OR9Q1: variants seen among roughly 807,000 people sequenced by gnomAD.
OR9Q1 encodes olfactory receptor 9Q1.
For missense variants in OR9Q1, 374 were observed against 378.8 expected (o/e 0.99, Z 0.11); for synonymous variants, 153 against 148.6 (o/e 1.03, Z -0.22).
Position 58,180,385 on chromosome 11 carries a change from C to T in OR9Q1, c.*8C>T. 1 of 1,541,734 alleles carries T rather than the reference C, an allele frequency of 6.5e-7. No individual in the cohort carries two copies. Among genetic ancestry groups the T allele is most frequent in the South Asian group, 1.2e-5 (1 of 80,444 alleles). ...AGAGCCAAGTTGTCCTAACCATCTCCAAACTTGGAAAATCCCGAGAACCAC... is the reference window on the plus strand; with the variant it reads ...AGAGCCAAGTTGTCCTAACCATCTCTAAACTTGGAAAATCCCGAGAACCAC... On this transcript the variant is annotated 3_prime_UTR_variant, in exon 3 of 3. Coordinates refer to ENST00000335397, the MANE Select transcript of OR9Q1 (RefSeq NM_001005212.4).
intron 2 of OR9Q1, among the ~76,000 whole-genome samples, chr11:58,160,394 A>G (rs1328117777): frequency 6.6e-6 from 1 of 152,188 alleles, no homozygotes; most frequent in Non-Finnish European, 1.5e-5. Context: ...GGAAAAAGTA[A>G]GTCTAAGATG....
intron 1 of OR9Q1, among the ~76,000 whole-genome samples, chr11:58,048,389 C>A (rs1444327793): frequency 6.6e-6 from 1 of 151,826 alleles, no homozygotes; most frequent in Admixed American, 6.6e-5. Flanking sequence ...ATCAATTAGG[C>A]TGGCCATGGT....
intron 2 of OR9Q1, among the ~76,000 whole-genome samples, chr11:58,125,063 C>T (rs1221390557): frequency 6.6e-6 from 1 of 152,146 alleles, no homozygotes; most frequent in Non-Finnish European, 1.5e-5. Context: ...GTACATATGA[C>T]TAATTCTACT....
At chr11:58,090,405 T>C (rs1279882169) in intron 2 of OR9Q1, among the ~76,000 whole-genome samples, 2 of 152,226 alleles carry the variant, frequency 1.3e-5, no homozygotes, top group Admixed American at 1.3e-4. Context: ...GAGGTAATCA[T>C]TTGGTTTTTG....
intron 2 of OR9Q1, among the ~76,000 whole-genome samples, chr11:58,146,494 A>G (rs1590614895): frequency 6.6e-6 from 1 of 152,220 alleles, no homozygotes; most frequent in African/African-American, 2.4e-5. Context: ...TGTATCAAAT[A>G]TTAAGTTTAG....
At chr11:58,031,020 A>G (rs762855941) in intron 1 of OR9Q1, 2 of 1,614,146 alleles carry the variant, frequency 1.2e-6, no homozygotes, top group South Asian at 1.1e-5. Flanking sequence ...GCTGGCATCC[A>G]TGAAGCACAC....
chr11:58,155,131 G>A (rs1473019366), intron 2 of OR9Q1, among the ~76,000 whole-genome samples: 1 of 152,150 alleles, frequency 6.6e-6, no homozygotes, highest in East Asian at 1.9e-4. Context: ...GCAGGTGGCA[G>A]GCTGAAGACT....
At chr11:58,090,225 G>C (rs371760144) in intron 2 of OR9Q1, among the ~76,000 whole-genome samples, 1 of 152,098 alleles carries the variant, frequency 6.6e-6, no homozygotes. Context: ...GTCTTGTGCC[G>C]GTTTTCAAAG....
At chr11:58,033,250 C>T (rs1222846603) in intron 1 of OR9Q1, among the ~76,000 whole-genome samples, 2 of 152,260 alleles carry the variant, frequency 1.3e-5, no homozygotes, top group Admixed American at 6.5e-5. Context: ...AATCCCATTA[C>T]TAGGTATATA....
chr11:58,082,075 C>G (rs1475086075), intron 2 of OR9Q1, among the ~76,000 whole-genome samples: 4 of 152,016 alleles, frequency 2.6e-5, no homozygotes, highest in Non-Finnish European at 4.4e-5. Context: ...CCATCTCACA[C>G]CAGTTAGAAT....
intron 2 of OR9Q1, among the ~76,000 whole-genome samples, chr11:58,064,153 C>CA (rs1853406924): frequency 6.6e-6 from 1 of 152,142 alleles, no homozygotes; most frequent in Non-Finnish European, 1.5e-5. Flanking sequence ...GTGATAAAAC[C>CA]ACCATCTAAG....
At chr11:58,024,320 C>T (rs1852949232) in intron 1 of OR9Q1, among the ~76,000 whole-genome samples, 1 of 152,062 alleles carries the variant, frequency 6.6e-6, no homozygotes, top group African/African-American at 2.4e-5. Context: ...ATAACACCCA[C>T]CCACTGCGCC....
intron 2 of OR9Q1, among the ~76,000 whole-genome samples, chr11:58,128,175 T>C (rs545234006): frequency 7.6e-6 from 1 of 132,404 alleles, no homozygotes; most frequent in Admixed American, 7.6e-5. Flanking sequence ...GTTAGAAAAA[T>C]AATATATTAA....
intron 2 of OR9Q1, among the ~76,000 whole-genome samples, chr11:58,172,753 C>G (rs943678422): frequency 5.9e-5 from 9 of 152,168 alleles, no homozygotes; most frequent in African/African-American, 1.7e-4. Context: ...CCATGCAATG[C>G]ATAATAATCA....
At chr11:58,092,106 A>G (rs1853690057) in intron 2 of OR9Q1, among the ~76,000 whole-genome samples, 1 of 152,002 alleles carries the variant, frequency 6.6e-6, no homozygotes, top group Non-Finnish European at 1.5e-5. Context: ...CCAATTTGCC[A>G]GTCTGTGTCT....
intron 2 of OR9Q1, among the ~76,000 whole-genome samples, chr11:58,092,354 TA>T (rs1853692767): frequency 2.0e-5 from 3 of 151,674 alleles, no homozygotes; most frequent in African/African-American, 4.8e-5. Context: ...CACTGAACTG[TA>T]AAAAATTTTC....
intron 2 of OR9Q1, among the ~76,000 whole-genome samples, chr11:58,083,999 A>C (rs1853612491): frequency 6.6e-6 from 1 of 151,872 alleles, no homozygotes; most frequent in Admixed American, 6.6e-5. Context: ...GTGAAGAATG[A>C]TGTTGATAGT....
intron 2 of OR9Q1, among the ~76,000 whole-genome samples, chr11:58,088,281 T>C (rs187343160): frequency 6.6e-6 from 1 of 152,014 alleles, no homozygotes; most frequent in Non-Finnish European, 1.5e-5. Context: ...GCAATAAACA[T>C]ATGTGTGCAT....
intron 1 of OR9Q1, among the ~76,000 whole-genome samples, chr11:58,034,769 T>TC (rs58499677): frequency 0.038 from 731 of 19,248 alleles, 9 homozygotes; most frequent in Middle Eastern, 0.12. Context: ...CTTCCTTCCT[T>TC]CTTCCTTCCC....
Sources: allele counts gnomAD v4.1 joint callset (sites outside exome capture counted in the v4.1 genomes callset), GRCh38; gene constraint gnomAD v4.1.1; transcripts MANE v1.5; gene names NCBI Gene and HGNC (gene_info 2026-07-23, HGNC 2026-07-21).